WWP1: variants seen among roughly 807,000 people sequenced by gnomAD.
The protein encoded by WWP1 is NEDD4-like E3 ubiquitin-protein ligase WWP1.
In WWP1, 49 loss-of-function variants were observed where a neutral mutation model predicts 130.6. That is an observed-to-expected ratio of 0.38 (90% CI 0.30 to 0.48). The LOEUF (loss-of-function observed/expected upper bound fraction) is 0.48. Among genes scored for constraint, WWP1 ranks in the 20% least tolerant of loss-of-function variants. The pLI is 0.99. For synonymous variants in WWP1, 332 were observed against 367.8 expected, an observed-to-expected ratio of 0.90 and a Z score of 1.11; for missense variants, 809 against 1,100.6, an observed-to-expected ratio of 0.74 and a Z score of 3.75.
In WWP1 at chr8:86,452,615, T is replaced by G; in HGVS notation, c.2330T>G (p.Leu777Arg). 6.2e-7 allele frequency: 1 copy of G among 1,613,434 alleles called. No individual in the cohort carries two copies. The highest frequency in any genetic ancestry group is 8.5e-7 in the Non-Finnish European group (1 of 1,179,622). Residue 777 changes from leucine to arginine, a missense_variant, in exon 21 of 25, where the codon CTT becomes CGT. Around this residue, in one of 3 missense-constraint regions of WWP1, gnomAD observed 450 missense variants for 674.2 expected, o/e 0.67. Transcript: ENST00000517970. ...RGVQEQTKAF[L>R]DGFNEVVPLQ... ...GTACAAGAACAGACCAAAGCTTTCCTTGATGGTTTTAATGAAGTTGTTCCT... is the reference window on the plus strand; with the variant it reads ...GTACAAGAACAGACCAAAGCTTTCCGTGATGGTTTTAATGAAGTTGTTCCT...
rs549443792 is a variant in WWP1, at chr8:86,413,834, A to G, written c.1061+1960A>G. On this transcript the variant is annotated intron_variant, in intron 9 of 24. Coordinates refer to ENST00000517970, the MANE Select transcript of WWP1 (RefSeq NM_007013.4). ...CACGAATAAGCATTAAAGAATGTAA[A>G]GCAGGGGAGTGGCATAATCCTCTTT... 1.9e-4 allele frequency among the ~76,000 whole-genome samples: 29 copies of G among 152,350 alleles called. No individual in the cohort carries two copies. The South Asian group carries it at 5.8e-3, about 30-fold the overall frequency.
chr8:86,387,958 C>T (rs1825383495), intron 5 of WWP1, among the ~76,000 whole-genome samples: 1 of 152,146 alleles, frequency 6.6e-6, no homozygotes, highest in African/African-American at 2.4e-5. Context: ...CTCTGCTATC[C>T]AATATGGTAG....
At chr8:86,409,821 C>T (rs570964094) in intron 8 of WWP1, among the ~76,000 whole-genome samples, 13 of 151,866 alleles carry the variant, frequency 8.6e-5, no homozygotes, top group Non-Finnish European at 1.8e-4. Flanking sequence ...GATTGTGCCA[C>T]TGCACTCCAG....
intron 24 of WWP1, among the ~76,000 whole-genome samples, chr8:86,466,069 C>CT (rs1166902598): frequency 3.6e-4 from 55 of 152,274 alleles, no homozygotes; most frequent in African/African-American, 1.2e-3. Flanking sequence ...CTAGTCACTG[C>CT]TACTGTAGGG....
At position 86,414,480 on chromosome 8, in the gene WWP1, C is replaced by T. The variant is rs1018480935; in HGVS notation, c.1061+2606C>T. ...GAGATAGAATAGAAAAAGAGTGGAACCAAGGTGGATTCTTCTGGCATACAC... is the reference window on the plus strand; with the variant it reads ...GAGATAGAATAGAAAAAGAGTGGAATCAAGGTGGATTCTTCTGGCATACAC... On this transcript the variant is annotated intron_variant, in intron 9 of 24. Transcript: ENST00000517970. 2.0e-5 allele frequency among the ~76,000 whole-genome samples: 3 copies of T among 152,068 alleles called. No homozygotes were observed. The South Asian group carries it at 6.2e-4, about 32-fold the overall frequency.
chr8:86,413,512 G>A (rs1041998594), intron 9 of WWP1, among the ~76,000 whole-genome samples: 3 of 152,184 alleles, frequency 2.0e-5, no homozygotes, highest in Non-Finnish European at 4.4e-5. Context: ...AGTTACCTGC[G>A]CCGTTGACGT....
chr8:86,359,218 G>A (rs1823426383), intron 1 of WWP1, among the ~76,000 whole-genome samples: 1 of 152,128 alleles, frequency 6.6e-6, no homozygotes. Context: ...GTAAGAGAGG[G>A]AGTGTGTATA....
In WWP1 at chr8:86,371,680, C is replaced by A. The variant is rs1824305022; in HGVS notation, c.-21-2350C>A. ...TTTGCCTATTTGCCTAATGTGTTAT[C>A]TTTTTCTTATTTGTAAGTATTCTTA... On this transcript the variant is annotated intron_variant, in intron 2 of 24. Transcript: ENST00000517970. Among the ~76,000 whole-genome samples, 9 of 152,056 alleles carry A rather than the reference C, an allele frequency of 5.9e-5. 1 individual carries two copies. The South Asian group carries it at 1.9e-3, about 32-fold the overall frequency.
At chr8:86,359,484 A>G (rs368286337) in intron 1 of WWP1, among the ~76,000 whole-genome samples, 6 of 152,120 alleles carry the variant, frequency 3.9e-5, no homozygotes, top group African/African-American at 1.4e-4. Flanking sequence ...GTCTATTCTC[A>G]TTGACCATTG....
chr8:86,373,401 G>T (rs1339679276), intron 2 of WWP1, among the ~76,000 whole-genome samples: 1 of 151,786 alleles, frequency 6.6e-6, no homozygotes, highest in Non-Finnish European at 1.5e-5. Context: ...ATGATTAATT[G>T]GGATGTGTTG....
At chr8:86,464,672 T>C (rs564805503) in intron 24 of WWP1, among the ~76,000 whole-genome samples, 1 of 152,260 alleles carries the variant, frequency 6.6e-6, no homozygotes, top group African/African-American at 2.4e-5. Flanking sequence ...CACGCCACTA[T>C]GCCTGGCTAA....
chr8:86,446,831 G>T (rs1810907225), intron 18 of WWP1, among the ~76,000 whole-genome samples: 1 of 152,114 alleles, frequency 6.6e-6, no homozygotes, highest in Non-Finnish European at 1.5e-5. Context: ...GAGAGGAGGA[G>T]ATTTATTTAG....
In WWP1 at chr8:86,427,785, A is replaced by C. The variant is rs761322468; in HGVS notation, c.1300A>C (p.Met434Leu). 6.2e-7 allele frequency: 1 copy of C among 1,613,208 alleles called. No homozygotes were observed. The highest frequency in any genetic ancestry group is 8.5e-7 in the Non-Finnish European group (1 of 1,179,508). The change falls in exon 11 of 25, where the codon ATG becomes CTG. Residue 434 changes from methionine to leucine, a missense_variant. Met to Leu is a conservative substitution (Grantham distance 15, BLOSUM62 2). Coordinates refer to ENST00000517970, the MANE Select transcript of WWP1 (RefSeq NM_007013.4). ...QSQRNQLQGA[M>L]QQFNQRYLYS... ...TCAGCGGAACCAATTGCAGGGAGCT[A>C]TGCAACAGTTTAACCAACGATACCT...
intron 18 of WWP1, among the ~76,000 whole-genome samples, chr8:86,445,495 C>T (rs968027286): frequency 7.9e-5 from 12 of 152,266 alleles, no homozygotes; most frequent in South Asian, 4.1e-4. Context: ...TGTGTTGTTG[C>T]AAAGGATATG....
intron 3 of WWP1, among the ~76,000 whole-genome samples, chr8:86,374,798 C>A (rs1824536466): frequency 6.6e-6 from 1 of 152,016 alleles, no homozygotes; most frequent in Admixed American, 6.6e-5. Context: ...TAGCCTCAAA[C>A]TACTGGGCTG....
At chr8:86,424,600 G>GGA (rs555532393) in intron 9 of WWP1, among the ~76,000 whole-genome samples, 1,544 of 151,984 alleles carry the variant, frequency 0.01, 17 homozygotes, top group Middle Eastern at 0.017. Flanking sequence ...GTTAGGAGCT[G>GGA]GAGACCAGCC....
chr8:86,444,490 A>C (rs1048552261), intron 18 of WWP1, among the ~76,000 whole-genome samples: 1 of 152,224 alleles, frequency 6.6e-6, no homozygotes, highest in African/African-American at 2.4e-5. Context: ...GTATGGATGA[A>C]GAAGTTGTTC....
At chr8:86,380,964 T>G in intron 4 of WWP1, 100 bp downstream of exon 4, 1 of 1,336,522 alleles carries the variant, frequency 7.5e-7, no homozygotes, top group East Asian at 2.7e-5. Context: ...AATGAGTGAT[T>G]TTTTTAAAGT....
chr8:86,451,214 T>TAAAA lies in WWP1; in HGVS notation c.2274-1309_2274-1306dup, dbSNP rs61141803. ...GCAACCGAGTGAGACCCTATGTTATTAAAAAAAAAAAAAAAAAAAAAAAAA... is the reference window on the plus strand; with the variant it reads ...GCAACCGAGTGAGACCCTATGTTATTAAAAAAAAAAAAAAAAAAAAAAAAAAAAA... On this transcript the variant is annotated intron_variant, in intron 20 of 24. Transcript: ENST00000517970. 8.6e-3 allele frequency among the ~76,000 whole-genome samples: 374 copies of TAAAA among 43,658 alleles called. 29 individuals carry two copies. Among genetic ancestry groups the TAAAA allele is most frequent in the Non-Finnish European group, 0.012 (287 of 23,608 alleles). 28.6% of individuals were successfully genotyped at this position (43,658 alleles called of 152,430 possible).
Sources: allele counts gnomAD v4.1 joint callset (sites outside exome capture counted in the v4.1 genomes callset), GRCh38; gene constraint gnomAD v4.1.1; regional missense constraint gnomAD v4.1.1; transcripts MANE v1.5; gene names NCBI Gene and HGNC (gene_info 2026-07-23, HGNC 2026-07-21).